The following FMNL2 variants were observed in gnomAD, a reference collection of about 807,000 sequenced individuals.
FMNL2 encodes formin like 2.
In FMNL2, 51 loss-of-function variants were observed where a neutral mutation model predicts 130.2. That is an observed-to-expected ratio of 0.39 (90% CI 0.31 to 0.49). The LOEUF (loss-of-function observed/expected upper bound fraction) is 0.49, where lower values mean the gene tolerates loss of function less well. FMNL2 is among the 20% of genes least tolerant of loss of function. The pLI is 0.85. For missense variants in FMNL2, 977 were observed against 1,316.2 expected, an observed-to-expected ratio of 0.74 and a Z score of 3.99; for synonymous variants, 465 against 467.1, an observed-to-expected ratio of 1.00 and a Z score of 0.06.
chr2:152,645,458 A>T (rs1214658120), intron 25 of FMNL2: 1 of 1,289,970 alleles, frequency 7.8e-7, no homozygotes, highest in Admixed American at 2.3e-5. Flanking sequence ...AATATCACTA[A>T]ATTTCCAAAT....
At chr2:152,485,860 T>A (rs1362413174) in intron 1 of FMNL2, among the ~76,000 whole-genome samples, 1 of 152,164 alleles carries the variant, frequency 6.6e-6, no homozygotes, top group Non-Finnish European at 1.5e-5. Flanking sequence ...AGCTTAGTGA[T>A]TTCACTGCCA....
chr2:152,646,195 T>C (rs921907397), intron 25 of FMNL2, among the ~76,000 whole-genome samples: 2 of 149,250 alleles, frequency 1.3e-5, no homozygotes, highest in South Asian at 2.1e-4. Flanking sequence ...TAGCCAGGCA[T>C]GGTGGCAAAT....
At chr2:152,539,929 G>A (rs1235627935) in intron 2 of FMNL2, among the ~76,000 whole-genome samples, 1 of 152,044 alleles carries the variant, frequency 6.6e-6, no homozygotes, top group African/African-American at 2.4e-5. Context: ...GTGAGACCTT[G>A]TCTTTAGAAA....
chr2:152,498,150 C>G (rs148380361), intron 1 of FMNL2, among the ~76,000 whole-genome samples: 77 of 152,256 alleles, frequency 5.1e-4, no homozygotes, highest in African/African-American at 1.6e-3. Context: ...ATACTCATAA[C>G]CTATCTACAG....
intron 1 of FMNL2, among the ~76,000 whole-genome samples, chr2:152,442,330 C>T (rs1039002479): frequency 6.6e-5 from 10 of 150,772 alleles, no homozygotes; most frequent in African/African-American, 1.2e-4. Flanking sequence ...TGGCTTACTG[C>T]GACCTCCTTC....
intron 1 of FMNL2, among the ~76,000 whole-genome samples, chr2:152,443,398 G>T (rs2106139213): frequency 6.6e-6 from 1 of 151,362 alleles, no homozygotes; most frequent in African/African-American, 2.5e-5. Flanking sequence ...AGCTAGGAAG[G>T]TAGGTGAGAA....
intron 1 of FMNL2, among the ~76,000 whole-genome samples, chr2:152,475,477 G>A (rs1690095673): frequency 6.6e-6 from 1 of 151,212 alleles, no homozygotes; most frequent in South Asian, 2.1e-4. Flanking sequence ...GTTTTTTTTG[G>A]TTTCATTTTG....
intron 1 of FMNL2, among the ~76,000 whole-genome samples, chr2:152,440,533 T>C (rs547299655): frequency 6.6e-6 from 1 of 152,318 alleles, no homozygotes; most frequent in African/African-American, 2.4e-5. Flanking sequence ...AAAATAGTGT[T>C]TTCTTGGAAT....
At chr2:152,378,960 T>C (rs1286112257) in intron 1 of FMNL2, among the ~76,000 whole-genome samples, 2 of 113,530 alleles carry the variant, frequency 1.8e-5, no homozygotes, top group Non-Finnish European at 3.2e-5. Context: ...GAGGGATGGC[T>C]AGAGAAGGAC....
At chr2:152,340,197 A>G (rs913688996) in intron 1 of FMNL2, among the ~76,000 whole-genome samples, 1 of 152,198 alleles carries the variant, frequency 6.6e-6, no homozygotes, top group African/African-American at 2.4e-5. Flanking sequence ...AAAAAGAAAA[A>G]GATATCTAAG....
chr2:152,356,991 G>A (rs1224332885), intron 1 of FMNL2, among the ~76,000 whole-genome samples: 1 of 148,452 alleles, frequency 6.7e-6, no homozygotes, highest in African/African-American at 2.5e-5. Flanking sequence ...AATATATAAC[G>A]ATAAATATTA....
rs545214141 is a variant in FMNL2 at position 152,649,204 on chromosome 2, G to A, written c.*1299G>A. On this transcript the variant is annotated 3_prime_UTR_variant, in exon 26 of 26. Coordinates refer to ENST00000288670, the MANE Select transcript of FMNL2 (RefSeq NM_052905.4). Reference sequence around the variant, plus strand: ...GTGAAGGTCCCTTTTCCTTGGATGTGTAGTTATATGATCTTTTTAAATGTA... The same window carrying A: ...GTGAAGGTCCCTTTTCCTTGGATGTATAGTTATATGATCTTTTTAAATGTA... The A allele has an allele frequency of 6.5e-6, 1 of 152,676 alleles. No individual in the cohort carries two copies. The highest frequency in any genetic ancestry group is 6.5e-5 in the Admixed American group (1 of 15,284). The allele number at this position is 152,676 out of a possible 1,614,324, so 9.5% of individuals were successfully genotyped here.
At chr2:152,446,913 A>G (rs1426747311) in intron 1 of FMNL2, among the ~76,000 whole-genome samples, 1 of 152,198 alleles carries the variant, frequency 6.6e-6, no homozygotes, top group Non-Finnish European at 1.5e-5. Context: ...GATTTTATAA[A>G]TTTAATAAAG....
intron 3 of FMNL2, 47 bp downstream of exon 3, chr2:152,542,866 G>A (rs564324896): frequency 6.3e-6 from 10 of 1,589,592 alleles, no homozygotes; most frequent in African/African-American, 1.3e-5. Flanking sequence ...CCTTATTAGC[G>A]AGCAGAATCC....
intron 9 of FMNL2, among the ~76,000 whole-genome samples, chr2:152,590,805 T>A (rs1252266143): frequency 2.0e-5 from 3 of 151,758 alleles, no homozygotes; most frequent in African/African-American, 2.4e-5. Context: ...AGTGTAAAGA[T>A]ATATGTGTGC....
intron 4 of FMNL2, among the ~76,000 whole-genome samples, chr2:152,551,979 C>T (rs1694962320): frequency 6.6e-6 from 1 of 152,226 alleles, no homozygotes; most frequent in African/African-American, 2.4e-5. Context: ...CTCTGAGTAA[C>T]AGAGTGAGAC....
At chr2:152,349,251 G>A (rs1416556278) in intron 1 of FMNL2, among the ~76,000 whole-genome samples, 1 of 152,198 alleles carries the variant, frequency 6.6e-6, no homozygotes, top group African/African-American at 2.4e-5. Flanking sequence ...CTAAAACTCC[G>A]GGGTGCATTC....
intron 1 of FMNL2, among the ~76,000 whole-genome samples, chr2:152,429,345 T>C (rs139549340): frequency 6.6e-6 from 1 of 152,336 alleles, no homozygotes; most frequent in African/African-American, 2.4e-5. Context: ...GTGTAAACTC[T>C]TGATCCTTTT....
chr2:152,519,181 T>G (rs1157583178), intron 1 of FMNL2, among the ~76,000 whole-genome samples: 1 of 152,198 alleles, frequency 6.6e-6, no homozygotes, highest in Non-Finnish European at 1.5e-5. Flanking sequence ...TACTTTTTCC[T>G]GAGAGGTTTT....
Sources: gnomAD v4.1 joint callset for allele counts (sites outside exome capture counted in the v4.1 genomes callset) on GRCh38, gnomAD v4.1.1 for gene constraint, MANE v1.5 for transcripts, NCBI Gene and HGNC (gene_info 2026-07-23, HGNC 2026-07-21) for gene names.